MPP7: variants seen among roughly 807,000 people sequenced by gnomAD.
The protein encoded by MPP7 is MAGUK p55 subfamily member 7.
Under a neutral mutation model 76.5 loss-of-function variants are expected in MPP7, and 60 were observed. The observed-to-expected ratio is 0.78, with a 90% confidence interval of 0.64 to 0.97. The LOEUF (loss-of-function observed/expected upper bound fraction) is 0.97. Ranked by LOEUF, MPP7 falls within the 50% of genes least tolerant of loss-of-function variation. The pLI, the probability that MPP7 is intolerant of heterozygous loss-of-function variation, is 0.00. For missense variants in MPP7, 641 were observed against 694.0 expected, an observed-to-expected ratio of 0.92 and a Z score of 0.86; for synonymous variants, 237 against 244.5, an observed-to-expected ratio of 0.97 and a Z score of 0.29.
At chr10:28,247,612 G>T (rs896528294) in intron 1 of MPP7, among the ~76,000 whole-genome samples, 1 of 152,160 alleles carries the variant, frequency 6.6e-6, no homozygotes, top group Non-Finnish European at 1.5e-5. Flanking sequence ...ACTTATCTGT[G>T]TATGAGCTTA....
rs1015369911 is a variant in MPP7, at chr10:28,291,334, G to A, written c.-132+11527C>T. 5.3e-5 allele frequency among the ~76,000 whole-genome samples: 8 copies of A among 152,188 alleles called. No homozygotes were observed. The South Asian group carries it at 1.4e-3, about 28-fold the overall frequency. ...ATTAAGACTGATATTGGCAGGGTAC[G>A]GTGGCTCACGCCTGTAATCCCAGCA... On this transcript the variant is annotated intron_variant, in intron 1 of 16. Transcript: ENST00000683449.
At chr10:28,215,017 G>A (rs1838263032) in intron 2 of MPP7, among the ~76,000 whole-genome samples, 1 of 151,956 alleles carries the variant, frequency 6.6e-6, no homozygotes, top group Non-Finnish European at 1.5e-5. Flanking sequence ...CAGGTAATCT[G>A]GCTCAACCAG....
intron 1 of MPP7, among the ~76,000 whole-genome samples, chr10:28,332,894 C>T (rs1008087250): frequency 3.9e-5 from 6 of 152,074 alleles, no homozygotes; most frequent in African/African-American, 1.4e-4. Flanking sequence ...AACTCCCAAC[C>T]TCAAGCAATC....
intron 2 of MPP7, among the ~76,000 whole-genome samples, chr10:28,211,460 T>G (rs111901732): frequency 0.24 from 32,350 of 137,292 alleles, 3,654 homozygotes; most frequent in Middle Eastern, 0.29. Context: ...TATATATATA[T>G]ATAGAGAGAG....
intron 1 of MPP7, among the ~76,000 whole-genome samples, chr10:28,250,626 T>TA (rs764544336): frequency 3.3e-5 from 5 of 152,230 alleles, no homozygotes; most frequent in African/African-American, 4.8e-5. Flanking sequence ...ACTTTCATGA[T>TA]AAAGTTTAAA....
intron 5 of MPP7, among the ~76,000 whole-genome samples, chr10:28,137,977 C>A (rs917771511): frequency 6.6e-6 from 1 of 152,200 alleles, no homozygotes; most frequent in Non-Finnish European, 1.5e-5. Context: ...ATTTATCCCT[C>A]CAGAAGGAGC....
chr10:28,076,608 C>T (rs938879910), intron 12 of MPP7, among the ~76,000 whole-genome samples: 21 of 152,048 alleles, frequency 1.4e-4, no homozygotes, highest in African/African-American at 4.1e-4. Context: ...AGAGGCCAGG[C>T]CAGGCCCAGT....
chr10:28,103,904 T>C (rs1402919211), intron 11 of MPP7, among the ~76,000 whole-genome samples: 8 of 152,134 alleles, frequency 5.3e-5, no homozygotes, highest in Non-Finnish European at 1.2e-4. Context: ...TTGCTGGACT[T>C]GCAATACTAT....
chr10:28,058,828 A>G (rs1851664545), intron 14 of MPP7, among the ~76,000 whole-genome samples: 1 of 152,214 alleles, frequency 6.6e-6, no homozygotes. Context: ...TTAAGCAGAA[A>G]AAAAGTACTT....
At chr10:28,275,500 G>A (rs926608120) in intron 1 of MPP7, among the ~76,000 whole-genome samples, 2 of 151,446 alleles carry the variant, frequency 1.3e-5, no homozygotes, top group South Asian at 2.1e-4. Flanking sequence ...TCCGCCTCCT[G>A]GGCTCAAGCA....
chr10:28,054,219 T>A lies in MPP7; in HGVS notation c.1577A>T (p.Lys526Ile). 6.3e-7 allele frequency: 1 copy of A among 1,576,758 alleles called. No individual in the cohort carries two copies. Among genetic ancestry groups the A allele is most frequent in the Non-Finnish European group, 8.6e-7 (1 of 1,159,554 alleles). ...FTEEDFQEMI[K>I]SAQIMESQYG... ...TTGACTTTCCATTATCTGTGCAGATTTAATCATTTCTTGAAAATCTTCTTC... is the reference window on the plus strand; with the variant it reads ...TTGACTTTCCATTATCTGTGCAGATATAATCATTTCTTGAAAATCTTCTTC... The change falls in exon 17 of 17, where the codon AAA becomes ATA. Residue 526 changes from lysine (K) to isoleucine (I), a missense_variant. Coordinates refer to ENST00000683449, the MANE Select transcript of MPP7 (RefSeq NM_001318170.2).
At chr10:28,290,342 G>A (rs546213029) in intron 1 of MPP7, among the ~76,000 whole-genome samples, 1 of 149,386 alleles carries the variant, frequency 6.7e-6, no homozygotes, top group South Asian at 2.1e-4. Flanking sequence ...CTAAACTGGA[G>A]GAAAGAGTAT....
chr10:28,203,720 G>A (rs1265024241), intron 2 of MPP7, among the ~76,000 whole-genome samples: 3 of 151,998 alleles, frequency 2.0e-5, no homozygotes, highest in East Asian at 1.9e-4. Context: ...GGTTAAGGTC[G>A]GAAGTCAAAA....
Position 28,053,958 on chromosome 10 carries a change from T to C in MPP7, c.*107A>G, listed in dbSNP as rs533453423. ...AACCAGCATTCAACTTGAACCAAGA[T>C]TGTACATCTATGACAGTGATATAGA... On this transcript the variant is annotated 3_prime_UTR_variant, in exon 17 of 17. Coordinates refer to ENST00000683449, the MANE Select transcript of MPP7 (RefSeq NM_001318170.2). The C allele has an allele frequency of 3.1e-5, 26 of 833,798 alleles. No individual in the cohort carries two copies. Among genetic ancestry groups the C allele is most frequent in the Non-Finnish European group, 3.9e-5 (20 of 507,290 alleles). The allele number at this position is 833,798 out of a possible 1,614,324, so 51.6% of individuals were successfully genotyped here.
chr10:28,231,500 A>G (rs1838881286), intron 2 of MPP7, among the ~76,000 whole-genome samples: 1 of 151,904 alleles, frequency 6.6e-6, no homozygotes, highest in Admixed American at 6.6e-5. Context: ...CTCTCACAAA[A>G]TTAAGAGGAG....
chr10:28,106,382 C>A (rs1056898500), intron 11 of MPP7, among the ~76,000 whole-genome samples: 4 of 152,042 alleles, frequency 2.6e-5, no homozygotes, highest in Non-Finnish European at 5.9e-5. Flanking sequence ...TCTAGGTAGT[C>A]CTGCTTTTGT....
chr10:28,285,905 T>C (rs1486446726), intron 1 of MPP7, among the ~76,000 whole-genome samples: 1 of 152,100 alleles, frequency 6.6e-6, no homozygotes, highest in African/African-American at 2.4e-5. Flanking sequence ...TGAACATAAC[T>C]TTCTTCATGT....
intron 1 of MPP7, chr10:28,282,096 T>G (rs1187444387): frequency 1.3e-5 from 2 of 152,134 alleles, no homozygotes; most frequent in African/African-American, 4.8e-5. Context: ...TTATGAACAT[T>G]CCTGTAAAAG....
chr10:28,332,562 G>A (rs1055994815), intron 1 of MPP7, among the ~76,000 whole-genome samples: 2 of 152,150 alleles, frequency 1.3e-5, no homozygotes, highest in Non-Finnish European at 2.9e-5. Flanking sequence ...TATTGTGCAT[G>A]TGTATAAAAT....
Sources: allele counts gnomAD v4.1 joint callset (sites outside exome capture counted in the v4.1 genomes callset), GRCh38; gene constraint gnomAD v4.1.1; transcripts MANE v1.5; gene names NCBI Gene and HGNC (gene_info 2026-07-23, HGNC 2026-07-21).